The following TRAF3 variants were observed in gnomAD, a reference collection of about 807,000 sequenced individuals.
The protein encoded by TRAF3 is TNF receptor associated factor 3.
A neutral mutation model predicts 62.3 loss-of-function variants in TRAF3; 13 were observed. That is an observed-to-expected ratio of 0.21 (90% CI 0.14 to 0.33). The LOEUF (loss-of-function observed/expected upper bound fraction) is 0.33, where lower values mean the gene tolerates loss of function less well. Ranked by LOEUF, TRAF3 falls within the 10% of genes least tolerant of loss-of-function variation. The probability of loss-of-function intolerance (pLI) is 1.00; values close to 1 mark genes in which losing one functional copy is unlikely to be tolerated. For missense variants in TRAF3, 440 were observed against 741.8 expected (o/e 0.59, Z 4.73); for synonymous variants, 269 against 283.4 (o/e 0.95, Z 0.51).
At chr14:102,825,914 T>C (rs1031817146) in intron 1 of TRAF3, among the ~76,000 whole-genome samples, 3 of 152,236 alleles carry the variant, frequency 2.0e-5, no homozygotes, top group Admixed American at 6.5e-5. Context: ...TCTTTGTGCC[T>C]TCTCTTCTCT....
In TRAF3 at chr14:102,835,442, G is replaced by A. The variant is rs554364377; in HGVS notation, c.-18+4970G>A. Among the ~76,000 whole-genome samples, 166 of 152,262 alleles carry A rather than the reference G, an allele frequency of 1.1e-3. 2 individuals carry two copies. Among genetic ancestry groups the A allele is most frequent in the Middle Eastern group, 6.8e-3 (2 of 294 alleles). ...ATAAATTGTTCTACCATAAAGATATGTACACATGTGTGTTCACTGCAGCAC... is the reference window on the plus strand; with the variant it reads ...ATAAATTGTTCTACCATAAAGATATATACACATGTGTGTTCACTGCAGCAC... On this transcript the variant is annotated intron_variant, in intron 2 of 11. Transcript: ENST00000392745.
intron 1 of TRAF3, among the ~76,000 whole-genome samples, chr14:102,780,133 A>G (rs3803286): frequency 0.53 from 81,242 of 152,024 alleles, 24,131 homozygotes; most frequent in South Asian, 0.75. Flanking sequence ...ACCAGAGAGA[A>G]GCAGCCGAGG....
chr14:102,817,540 G>A (rs1162757009), intron 1 of TRAF3, among the ~76,000 whole-genome samples: 1 of 152,172 alleles, frequency 6.6e-6, no homozygotes, highest in Admixed American at 6.5e-5. Context: ...GATCTGGAGG[G>A]AGGGCAGAGT....
chr14:102,837,367 G>T (rs541078996), intron 2 of TRAF3, among the ~76,000 whole-genome samples: 1 of 152,148 alleles, frequency 6.6e-6, no homozygotes, highest in South Asian at 2.1e-4. Context: ...TTGAACTCCT[G>T]GCCTCAAGTG....
chr14:102,789,381 T>C (rs1218989569), intron 1 of TRAF3, among the ~76,000 whole-genome samples: 2 of 152,164 alleles, frequency 1.3e-5, no homozygotes, highest in African/African-American at 4.8e-5. Flanking sequence ...TACCTAGGAG[T>C]GGAATTGCTG....
At position 102,839,822 on chromosome 14, in the gene TRAF3, G is replaced by A. The variant is rs558741280; in HGVS notation, c.-18+9350G>A. Among the ~76,000 whole-genome samples, 57 of 152,246 alleles carry A rather than the reference G, an allele frequency of 3.7e-4. No individual in the cohort carries two copies. In the South Asian group the frequency reaches 0.012, roughly 31 times the overall value. On this transcript the variant is annotated intron_variant, in intron 2 of 11. Coordinates refer to ENST00000392745, the MANE Select transcript of TRAF3 (RefSeq NM_145725.3). The stretch of plus-strand genomic sequence containing the variant: ...TACACATCTAATGATTGCCTCTGAT[G>A]GGTATATGTGGGAACATGTACATTC...
chr14:102,829,476 G>T (rs925348358), intron 1 of TRAF3, among the ~76,000 whole-genome samples: 1 of 152,190 alleles, frequency 6.6e-6, no homozygotes, highest in Non-Finnish European at 1.5e-5. Context: ...TGAGGAACTA[G>T]CCTGTGTGTG....
chr14:102,797,588 G>A (rs1283972239), intron 1 of TRAF3, among the ~76,000 whole-genome samples: 4 of 152,068 alleles, frequency 2.6e-5, no homozygotes, highest in Non-Finnish European at 5.9e-5. Flanking sequence ...TGTGACCTTA[G>A]GCAAATCATT....
chr14:102,833,968 A>G lies in TRAF3; in HGVS notation c.-18+3496A>G, dbSNP rs770380933. ...TGCGCCACTGCACTCCAGCCTGGGC[A>G]ACAAAGCTAGACTTTGTCTCGGGGG... is the stretch of plus-strand genomic sequence containing the variant. On this transcript the variant is annotated intron_variant, in intron 2 of 11. Coordinates refer to ENST00000392745, the MANE Select transcript of TRAF3 (RefSeq NM_145725.3). 6.4e-5 allele frequency among the ~76,000 whole-genome samples: 9 copies of G among 140,504 alleles called. 1 individual carries two copies. The highest frequency in any genetic ancestry group is 6.1e-5 in the Non-Finnish European group (4 of 65,228). 92.2% of individuals were successfully genotyped at this position (140,504 alleles called of 152,430 possible).
At chr14:102,884,705 C>T (rs1263771882) in intron 6 of TRAF3, among the ~76,000 whole-genome samples, 4 of 151,792 alleles carry the variant, frequency 2.6e-5, no homozygotes, top group Non-Finnish European at 4.4e-5. Flanking sequence ...CCAGCTCCTC[C>T]GGAGGCTGAG....
intron 1 of TRAF3, among the ~76,000 whole-genome samples, chr14:102,798,304 C>T (rs1239979192): frequency 2.0e-5 from 3 of 151,500 alleles, no homozygotes; most frequent in African/African-American, 7.3e-5. Flanking sequence ...TCACTGTAGC[C>T]TCGACCTCTC....
At chr14:102,885,999 A>T (rs1313252114) in intron 6 of TRAF3, among the ~76,000 whole-genome samples, 190 bp from the exon 7 acceptor site, 2 of 152,106 alleles carry the variant, frequency 1.3e-5, no homozygotes, top group Non-Finnish European at 1.5e-5. Context: ...ATCTTTGGAG[A>T]TACCTGTGGC....
chr14:102,903,299 G>A lies in TRAF3; in HGVS notation c.1005G>A (p.Lys335=), dbSNP rs561205652. ...SQAEKLKELD[K]EIRPFRQNWE... ...CAGAGAAACTGAAGGAGCTTGACAAGGAGATCCGGCCCTTCCGGCAGAACT... is the reference window on the plus strand; with the variant it reads ...CAGAGAAACTGAAGGAGCTTGACAAAGAGATCCGGCCCTTCCGGCAGAACT... The change falls in exon 11 of 12, where the codon AAG becomes AAA. Residue 335 remains lysine, a synonymous_variant. Transcript: ENST00000392745. This position sits in a 1 kb window ranked among gnomAD's most constrained non-coding sequence, Gnocchi z 6.4. The A allele has an allele frequency of 6.2e-7, 1 of 1,614,244 alleles. No homozygotes were observed. Among genetic ancestry groups the A allele is most frequent in the South Asian group, 1.1e-5 (1 of 91,090 alleles).
intron 2 of TRAF3, among the ~76,000 whole-genome samples, chr14:102,850,262 A>C (rs1380139497): frequency 6.6e-6 from 1 of 152,210 alleles, no homozygotes; most frequent in Non-Finnish European, 1.5e-5. Context: ...AACTTTTATG[A>C]AAGAATTTTC....
chr14:102,844,211 A>G lies in TRAF3; in HGVS notation c.-18+13739A>G, dbSNP rs188127792. On this transcript the variant is annotated intron_variant, in intron 2 of 11. Coordinates refer to ENST00000392745, the MANE Select transcript of TRAF3 (RefSeq NM_145725.3). ...AGTACAAGATTAAAACCTGTTTCTG[A>G]GTATGTGATTGTATCAATGAGGGCT... Among the ~76,000 whole-genome samples, 480 of 152,344 alleles carry G rather than the reference A, an allele frequency of 3.2e-3. 11 individuals are homozygous for G. Among genetic ancestry groups the G allele is most frequent in the Admixed American group, 0.028 (430 of 15,312 alleles).
chr14:102,788,531 G>A lies in TRAF3; in HGVS notation c.-157+10856G>A, dbSNP rs145823399. Among the ~76,000 whole-genome samples the A allele has an allele frequency of 2.6e-4, 40 of 152,164 alleles. No homozygotes were observed. In the East Asian group the frequency reaches 7.8e-3, roughly 30 times the overall value. ...AAGAATTAGCTTGGTTGGGTGTGGT[G>A]TCTCACGCCTGTAATCCCAGCACTT... On this transcript the variant is annotated intron_variant, in intron 1 of 11. Transcript: ENST00000392745.
chr14:102,875,130 A>T (rs74082939), intron 4 of TRAF3, among the ~76,000 whole-genome samples: 1 of 152,118 alleles, frequency 6.6e-6, no homozygotes, highest in Non-Finnish European at 1.5e-5. Flanking sequence ...TCATTCCCCA[A>T]ATATGGTCTC....
chr14:102,784,717 C>T (rs890822396), intron 1 of TRAF3, among the ~76,000 whole-genome samples: 1 of 152,124 alleles, frequency 6.6e-6, no homozygotes, highest in Non-Finnish European at 1.5e-5. Flanking sequence ...CATTATGGCA[C>T]CATGTAGTAG....
At chr14:102,820,601 TATATATATATA>T (rs1160528681) in intron 1 of TRAF3, among the ~76,000 whole-genome samples, 19 of 13,686 alleles carry the variant, frequency 1.4e-3, no homozygotes, top group African/African-American at 8.0e-3. Flanking sequence ...TATATATATA[TATATATATATA>T]TATTTTTTTT....
Sources: gnomAD v4.1 joint callset for allele counts (sites outside exome capture counted in the v4.1 genomes callset) on GRCh38, gnomAD v4.1.1 for gene constraint, Gnocchi (gnomAD v3.1) non-coding constraint, MANE v1.5 for transcripts, NCBI Gene and HGNC (gene_info 2026-07-23, HGNC 2026-07-21) for gene names.